Variants in DUSP15 observed in about 807,000 individuals in gnomAD.
The protein encoded by DUSP15 is dual specificity phosphatase 15.
In DUSP15, 23 loss-of-function variants were observed where a neutral mutation model predicts 26.3. The observed-to-expected ratio is 0.87, with a 90% CI of 0.63 to 1.24. The LOEUF is 1.24. DUSP15 is among the 50% of genes most tolerant of loss of function. DUSP15 has a pLI of 0.00. For missense variants in DUSP15, 364 were observed against 320.6 expected, an observed-to-expected ratio of 1.14 and a Z score of -1.03; for synonymous variants, 143 against 135.5, an observed-to-expected ratio of 1.06 and a Z score of -0.39.
chr20:31,869,419 A>G, intron 2 of DUSP15, 145 bp downstream of exon 2: 1 of 1,116,692 alleles, frequency 9.0e-7, no homozygotes, highest in Non-Finnish European at 1.3e-6. Context: ...CTTGTCCTCC[A>G]TCAGCCTTTT....
chr20:31,849,672 G>A lies in DUSP15; in HGVS notation c.628+66C>T, dbSNP rs2062431739. The stretch of plus-strand genomic sequence containing the variant: ...CCGGAGCCACCCAGAGCTGCACACC[G>A]CGCTCCAGGTGAGGCGGCAGGCCCT... On this transcript the variant is annotated intron_variant, in intron 8 of 9. Coordinates refer to the DUSP15 transcript ENST00000278979. 14 of 1,529,146 alleles carry A rather than the reference G, an allele frequency of 9.2e-6. No homozygotes were observed. The South Asian group carries it at 1.1e-4, about 12-fold the overall frequency. The allele number at this position is 1,529,146 out of a possible 1,614,324, so 94.7% of individuals were successfully genotyped here.
intron 8 of DUSP15, chr20:31,849,433 C>G: frequency 3.6e-6 from 2 of 549,986 alleles, no homozygotes; most frequent in Admixed American, 4.9e-5. Flanking sequence ...TCCCCCTGGG[C>G]CTGCATTTAA....
chr20:31,853,376 A>G (rs2062507398), intron 6 of DUSP15, among the ~76,000 whole-genome samples: 1 of 152,168 alleles, frequency 6.6e-6, no homozygotes, highest in Admixed American at 6.5e-5. Flanking sequence ...TGTCATACAC[A>G]AAGTGGACTC....
At chr20:31,856,884 G>A (rs1365944948), downstream of DUSP15, among the ~76,000 whole-genome samples, 4 of 151,986 alleles carry the variant, frequency 2.6e-5, no homozygotes, top group African/African-American at 4.8e-5. Context: ...GCCTGGGAGG[G>A]GTTGCAGGGC....
At chr20:31,852,726 G>A (rs2062492060) in intron 6 of DUSP15, among the ~76,000 whole-genome samples, 1 of 152,166 alleles carries the variant, frequency 6.6e-6, no homozygotes, top group African/African-American at 2.4e-5. Context: ...CAGGAGAATC[G>A]CTTGAACCTG....
chr20:31,869,656 G>C, intron 1 of DUSP15, 59 bp from the exon 2 acceptor site: 1 of 1,597,196 alleles, frequency 6.3e-7, no homozygotes, highest in African/African-American at 1.3e-5. Flanking sequence ...TCCACCCCCA[G>C]GGCAGCTGGG....
Position 31,867,105 on chromosome 20 carries a change from A to T in DUSP15, c.104T>A (p.Ile35Asn), listed in dbSNP as rs370343130. The change falls in exon 3 of 7, where the codon ATC becomes AAC. Residue 35 changes from isoleucine (I) to asparagine (N), a missense_variant. By Grantham distance (149) the Ile-to-Asn change is moderately radical. Transcript: ENST00000339738. The part of the protein sequence containing the change: ...QLGRNKITHI[I>N]SIHESPQPLL... The stretch of plus-strand genomic sequence containing the variant: ...AGGCTGGGGTGACTCATGGATAGAG[A>T]TGATGTGTGTGATCTTATTTCGGCC... 1 of 1,591,684 alleles carries T rather than the reference A, an allele frequency of 6.3e-7. No homozygotes were observed. The highest frequency in any genetic ancestry group is 1.1e-5 in the South Asian group (1 of 87,228).
chr20:31,866,487 G>A (rs896350745), intron 3 of DUSP15, among the ~76,000 whole-genome samples: 4 of 152,294 alleles, frequency 2.6e-5, no homozygotes, highest in African/African-American at 4.8e-5. Context: ...ACATAAGCAC[G>A]TGTAGTCTGG....
downstream of DUSP15, among the ~76,000 whole-genome samples, chr20:31,846,104 G>A (rs557740598): frequency 2.5e-5 from 3 of 119,052 alleles, no homozygotes; most frequent in East Asian, 2.1e-4. Flanking sequence ...AGACATACAC[G>A]TACAGACACA....
intron 9 of DUSP15, chr20:31,848,609 CG>C: frequency 6.6e-7 from 1 of 1,511,098 alleles, no homozygotes. Flanking sequence ...CTCCATTTCC[CG>C]CCTCGGATGT....
intron 8 of DUSP15, chr20:31,849,583 G>A: frequency 7.7e-7 from 1 of 1,298,726 alleles, no homozygotes; most frequent in African/African-American, 1.5e-5. Flanking sequence ...AGGTGCGCCT[G>A]CGCTCCACCT....
At chr20:31,858,602 C>T (rs1460670588), downstream of DUSP15, among the ~76,000 whole-genome samples, 2 of 152,210 alleles carry the variant, frequency 1.3e-5, no homozygotes, top group Non-Finnish European at 2.9e-5. The surrounding 1 kb of genome is among the most constrained non-coding windows in gnomAD (Gnocchi z 4.4). Context: ...ACAAGACCCA[C>T]GCAAGTGGGG....
intron 6 of DUSP15, among the ~76,000 whole-genome samples, chr20:31,852,539 G>A (rs538505190): frequency 7.2e-4 from 110 of 152,302 alleles, no homozygotes; most frequent in African/African-American, 2.2e-3. Flanking sequence ...GGCCGGGCAT[G>A]GTGGCTCATG....
exon 7 of DUSP15, chr20:31,850,655 T>C: frequency 6.2e-7 from 1 of 1,611,928 alleles, no homozygotes; most frequent in Non-Finnish European, 8.5e-7. Context: ...CCAGAGGTTT[T>C]TGAGGTCCTA....
Position 31,864,970 on chromosome 20 carries a change from A to G in DUSP15, c.171T>C (p.Asp57=), listed in dbSNP as rs750979576. The G allele has an allele frequency of 2.5e-6, 4 of 1,613,976 alleles. No homozygotes were observed. The highest frequency in any genetic ancestry group is 2.5e-6 in the Non-Finnish European group (3 of 1,179,986). The change falls in exon 4 of 7, where the codon GAT becomes GAC. Residue 57 remains aspartate, a synonymous_variant. Coordinates refer to ENST00000339738, the MANE Select transcript of DUSP15 (RefSeq NM_080611.5). ...DITYLRIPVA[D]TPEVPIKKHF... The stretch of plus-strand genomic sequence containing the variant: ...GAACTTACATGGGTACCTCAGGGGT[A>G]TCAGCGACCGGGATGCGAAGGTAGG...
chr20:31,868,476 C>CTTTTTTTT (rs35862553), intron 2 of DUSP15, among the ~76,000 whole-genome samples: 1 of 97,330 alleles, frequency 1.0e-5, no homozygotes. Context: ...TTTTCTTTCT[C>CTTTTTTTT]TTTTTTTTTT....
In DUSP15 at chr20:31,850,889, G is replaced by A. The variant is rs115762199; in HGVS notation, c.427-213C>T. Among the ~76,000 whole-genome samples, 177 of 152,260 alleles carry A rather than the reference G, an allele frequency of 1.2e-3. 3 individuals are homozygous for A. In the South Asian group the frequency reaches 0.015, roughly 12 times the overall value. ...TGTCCTCATCCTCTGTGGCAAATCC[G>A]GAGCCATCCTGAGCATTGGGAGAAG... is the stretch of plus-strand genomic sequence containing the variant. On this transcript the variant is annotated intron_variant, in intron 6 of 9. Transcript: ENST00000278979.
chr20:31,846,127 GACACAGACACACACACAGACACACAC>G (rs796128271), downstream of DUSP15, among the ~76,000 whole-genome samples: 5,093 of 141,872 alleles, frequency 0.036, 300 homozygotes, highest in African/African-American at 0.14. Flanking sequence ...GAGACACACA[GACACAGACACACACACAGACACACAC>G]ACACAGACAT....
At chr20:31,845,822 C>T (rs566529242), downstream of DUSP15, among the ~76,000 whole-genome samples, 5 of 152,206 alleles carry the variant, frequency 3.3e-5, no homozygotes, top group South Asian at 4.2e-4. Context: ...CCTCAGCCCA[C>T]GTGTGCTGGG....
Sources: gnomAD v4.1 joint callset for allele counts (sites outside exome capture counted in the v4.1 genomes callset) on GRCh38, gnomAD v4.1.1 for gene constraint, Gnocchi (gnomAD v3.1) non-coding constraint, MANE v1.5 for transcripts, NCBI Gene and HGNC (gene_info 2026-07-23, HGNC 2026-07-21) for gene names.